Variants in MYH8 observed in about 807,000 individuals in gnomAD.
The protein encoded by MYH8 is myosin heavy chain 8.
A neutral mutation model predicts 233.2 loss-of-function variants in MYH8; 168 were observed. The ratio of observed to expected loss-of-function variants is 0.72; its 90% CI spans 0.64 to 0.82. MYH8 has a LOEUF of 0.82. Among genes scored for constraint, MYH8 ranks in the 40% least tolerant of loss-of-function variants. The pLI is 0.00. For synonymous variants in MYH8, 785 were observed against 850.6 expected (o/e 0.92, Z 1.34); for missense variants, 1,995 against 2,327.8 (o/e 0.86, Z 2.94).
chr17:10,412,350 T>G lies in MYH8; in HGVS notation c.1416+20A>C. On this transcript the variant is annotated intron_variant, in intron 14 of 39. Coordinates refer to ENST00000403437, the MANE Select transcript of MYH8 (RefSeq NM_002472.3). ...AAGCCCACAATTGCCTCCTTCTTAATTCTTGTTAATATAACTCACATCAAA... is the reference window on the plus strand; with the variant it reads ...AAGCCCACAATTGCCTCCTTCTTAAGTCTTGTTAATATAACTCACATCAAA... The G allele has an allele frequency of 1.2e-6, 2 of 1,614,078 alleles. No individual in the cohort carries two copies. Among genetic ancestry groups the G allele is most frequent in the Non-Finnish European group, 1.7e-6 (2 of 1,179,934 alleles).
intron 14 of MYH8, among the ~76,000 whole-genome samples, chr17:10,411,366 A>T (rs1052042692): frequency 2.1e-5 from 3 of 143,284 alleles, no homozygotes; most frequent in Non-Finnish European, 3.0e-5. Context: ...GCTGGGCGAG[A>T]CCCTGTCTCA....
rs758554072 is a variant in MYH8, at chr17:10,409,443, GC to G, written c.1732del (p.Ala578ProfsTer5). 1.9e-6 allele frequency: 3 copies of G among 1,614,218 alleles called. No homozygotes were observed. Among genetic ancestry groups the G allele is most frequent in the South Asian group, 2.2e-5 (2 of 91,080 alleles). On this transcript the variant is annotated frameshift_variant, in exon 16 of 40. Coordinates refer to ENST00000403437, the MANE Select transcript of MYH8 (RefSeq NM_002472.3). LOFTEE classifies it high-confidence loss of function. ...KPKVVKGKAE[A>X]HFSLIHYAGT... is the part of the protein sequence containing the mutation. ...AGCATAGTGAATCAGAGAGAAGTGGGCCTCAGCCTTGCCTTTGACCACCTTG... is the reference window on the plus strand; with the variant it reads ...AGCATAGTGAATCAGAGAGAAGTGGGCTCAGCCTTGCCTTTGACCACCTTG...
chr17:10,390,903 T>C (rs1597395838), intron 39 of MYH8, among the ~76,000 whole-genome samples: 1 of 152,224 alleles, frequency 6.6e-6, no homozygotes, highest in Non-Finnish European at 1.5e-5. Context: ...TAAGTAAATG[T>C]AAGGCCAAAT....
At chr17:10,407,975 C>G (rs1383393422) in intron 17 of MYH8, among the ~76,000 whole-genome samples, 1 of 145,182 alleles carries the variant, frequency 6.9e-6, no homozygotes. Flanking sequence ...GAATCTCGCT[C>G]TGTTGCCCAG....
rs542453131 is a variant in MYH8, at chr17:10,418,686, A to T, written c.470T>A (p.Ile157Asn). The T allele has an allele frequency of 6.2e-7, 1 of 1,613,914 alleles. No homozygotes were observed. The highest frequency in any genetic ancestry group is 1.7e-5 in the Admixed American group (1 of 60,010). Residue 157 changes from isoleucine (I) to asparagine (N), a missense_variant, in exon 5 of 40, where the codon ATC becomes AAC. Transcript: ENST00000403437. The part of the protein sequence containing the change: ...GKKRQEAPPH[I>N]FSISDNAYQF... The stretch of plus-strand genomic sequence containing the variant: ...ATAGGCATTGTCAGAGATGGAGAAG[A>T]TGTGGGGCGGGGCCTCCTGGCGCTT...
Position 10,394,577 on chromosome 17 carries a change from A to C in MYH8, c.4963-125T>G. On this transcript the variant is annotated intron_variant, in intron 34 of 39. Coordinates refer to ENST00000403437, the MANE Select transcript of MYH8 (RefSeq NM_002472.3). ...TGACATATGCCTGTCATTTGAATGC[A>C]TCTGATTATGGTTAGGTCATTTGCT... The C allele has an allele frequency of 3.4e-6, 4 of 1,192,826 alleles. No homozygotes were observed. In the South Asian group the frequency reaches 5.3e-5, roughly 16 times the overall value. 73.9% of individuals were successfully genotyped at this position (1,192,826 alleles called of 1,614,324 possible).
intron 14 of MYH8, among the ~76,000 whole-genome samples, chr17:10,411,377 GAAA>G (rs35652449): frequency 7.3e-6 from 1 of 137,582 alleles, no homozygotes; most frequent in African/African-American, 2.7e-5. Context: ...CCCTGTCTCA[GAAA>G]AAAAAAAAAA....
intron 39 of MYH8, among the ~76,000 whole-genome samples, chr17:10,391,245 A>G (rs1388133984): frequency 6.6e-6 from 1 of 152,214 alleles, no homozygotes; most frequent in Non-Finnish European, 1.5e-5. Flanking sequence ...GCTTTTGAGA[A>G]CTTGATTTTT....
intron 17 of MYH8, 47 bp from the exon 18 acceptor site, chr17:10,407,026 G>A (rs774000664): frequency 1.4e-6 from 2 of 1,463,042 alleles, no homozygotes; most frequent in African/African-American, 2.8e-5. Context: ...TCTATTTCAG[G>A]TTGTTTTTTG....
At chr17:10,403,904 T>C (rs1329058541) in intron 22 of MYH8, among the ~76,000 whole-genome samples, 1 of 152,122 alleles carries the variant, frequency 6.6e-6, no homozygotes, top group Non-Finnish European at 1.5e-5. Flanking sequence ...TACAGATAGA[T>C]TTATTGAGCT....
chr17:10,407,826 A>G (rs937515505), intron 17 of MYH8, among the ~76,000 whole-genome samples: 8 of 151,662 alleles, frequency 5.3e-5, no homozygotes, highest in African/African-American at 1.9e-4. Flanking sequence ...GTGACAGAGC[A>G]AGACTCTGTC....
chr17:10,402,873 C>T (rs532425061), intron 22 of MYH8, among the ~76,000 whole-genome samples: 2 of 152,252 alleles, frequency 1.3e-5, no homozygotes, highest in South Asian at 2.1e-4. Flanking sequence ...TTATACACAA[C>T]ATGGGCAATA....
In MYH8 at chr17:10,415,903, A is replaced by G. The variant is rs535065898; in HGVS notation, c.512-195T>C. ...TTTGTGAAAATGAAAGCAAAGAATCATCTCTTCCTTTTTGTATTTATTAAT... is the reference window on the plus strand; with the variant it reads ...TTTGTGAAAATGAAAGCAAAGAATCGTCTCTTCCTTTTTGTATTTATTAAT... On this transcript the variant is annotated intron_variant, in intron 5 of 39. Transcript: ENST00000403437. This position sits in a 1 kb window ranked among gnomAD's most constrained non-coding sequence, Gnocchi z 4.1. Among the ~76,000 whole-genome samples the G allele has an allele frequency of 6.6e-6, 1 of 152,304 alleles. No homozygotes were observed. Among genetic ancestry groups the G allele is most frequent in the East Asian group, 1.9e-4 (1 of 5,182 alleles).
chr17:10,396,215 A>C lies in MYH8; in HGVS notation c.4653+115T>G. On this transcript the variant is annotated intron_variant, in intron 33 of 39. Transcript: ENST00000403437. The surrounding 1 kb of genome is among the most constrained non-coding windows in gnomAD (Gnocchi z 4.2). ...TACATTTTTAAGGATTTTGATAACTATTGCCAAGTTGTCCTTCATAAAGAT... is the reference window on the plus strand; with the variant it reads ...TACATTTTTAAGGATTTTGATAACTCTTGCCAAGTTGTCCTTCATAAAGAT... 1 of 1,226,824 alleles carries C rather than the reference A, an allele frequency of 8.2e-7. No homozygotes were observed. The highest frequency in any genetic ancestry group is 1.3e-5 in the South Asian group (1 of 75,664). The allele number at this position is 1,226,824 out of a possible 1,614,324, so 76.0% of individuals were successfully genotyped here.
rs750866988 is a variant in MYH8 at position 10,390,418 on chromosome 17, T to A, written c.*36A>T. 1 of 1,612,416 alleles carries A rather than the reference T, an allele frequency of 6.2e-7. No homozygotes were observed. Among genetic ancestry groups the A allele is most frequent in the South Asian group, 1.1e-5 (1 of 91,008 alleles). ...GACCAAAAATAGCACATTTTGTGCC[T>A]TTCTTCAGCCTCTTGATAGCATCAG... On this transcript the variant is annotated 3_prime_UTR_variant, in exon 40 of 40. Coordinates refer to ENST00000403437, the MANE Select transcript of MYH8 (RefSeq NM_002472.3).
intron 22 of MYH8, among the ~76,000 whole-genome samples, chr17:10,403,516 C>T (rs1597400374): frequency 6.6e-6 from 1 of 151,776 alleles, no homozygotes; most frequent in East Asian, 1.9e-4. Context: ...AATAGTGATA[C>T]ACTCAATACA....
chr17:10,401,330 T>C lies in MYH8; in HGVS notation c.3053A>G (p.Asp1018Gly), dbSNP rs1205708349. The change falls in exon 24 of 40, where the codon GAC becomes GGC. Residue 1018 changes from aspartate (D) to glycine (G), a missense_variant. Coordinates refer to ENST00000403437, the MANE Select transcript of MYH8 (RefSeq NM_002472.3). ...QTLDDLQAEE[D>G]KVNILTKAKT... ...AGCTTTGGTCAGGATGTTGACTTTG[T>C]CCTCCTCTGCCTGCAGGTCATCCAG... The C allele has an allele frequency of 3.7e-6, 6 of 1,614,090 alleles. No individual in the cohort carries two copies. Among genetic ancestry groups the C allele is most frequent in the Non-Finnish European group, 5.1e-6 (6 of 1,180,052 alleles).
chr17:10,405,645 G>A (rs1247469368), intron 21 of MYH8, among the ~76,000 whole-genome samples: 1 of 152,196 alleles, frequency 6.6e-6, no homozygotes, highest in East Asian at 1.9e-4. Flanking sequence ...GATAAATTAG[G>A]ATGAGGGGAG....
chr17:10,399,209 GC>G (rs1419636735), intron 28 of MYH8, among the ~76,000 whole-genome samples: 2 of 151,368 alleles, frequency 1.3e-5, no homozygotes, highest in Non-Finnish European at 2.9e-5. Context: ...GAATTTTGGA[GC>G]ATTTCAGATT....
Sources: allele counts gnomAD v4.1 joint callset (sites outside exome capture counted in the v4.1 genomes callset), GRCh38; gene constraint gnomAD v4.1.1; non-coding constraint Gnocchi (gnomAD v3.1); transcripts MANE v1.5; gene names NCBI Gene and HGNC (gene_info 2026-07-23, HGNC 2026-07-21).